Variants in EGFL6 observed in about 807,000 individuals in gnomAD.
EGFL6 encodes EGF like domain multiple 6.
EGFL6 carries 42 observed loss-of-function variants against 43.1 expected under a neutral mutation model. The observed-to-expected ratio is 0.98, with a 90% confidence interval of 0.76 to 1.26. The LOEUF is 1.26. Among genes scored for constraint, EGFL6 ranks in the 50% most tolerant of loss-of-function variants. The probability of loss-of-function intolerance (pLI) is 0.00; values close to 1 mark genes in which losing one functional copy is unlikely to be tolerated. For synonymous variants in EGFL6, 164 were observed against 163.2 expected (o/e 1.01, Z -0.04); for missense variants, 429 against 427.8 (o/e 1.00, Z -0.02).
At chrX:13,593,150 G>C (rs756327418) in intron 2 of EGFL6, among the ~76,000 whole-genome samples, 1 of 110,222 alleles carries the variant, frequency 9.1e-6, no homozygotes, top group Non-Finnish European at 1.9e-5. Context: ...CCTGACCTCA[G>C]GTGATCCACC....
Position 13,633,177 on chromosome X carries a change from G to T in EGFL6, c.*82G>T. 1.2e-6 allele frequency: 1 copy of T among 807,633 alleles called. No homozygotes were observed. Among genetic ancestry groups the T allele is most frequent in the Non-Finnish European group, 1.8e-6 (1 of 571,211 alleles). The allele number at this position is 807,633 out of a possible 1,213,427, so 66.6% of individuals were successfully genotyped here. A position where few individuals can be genotyped will look rare whatever the true frequency, so the allele number is the denominator to read the frequency against. The stretch of plus-strand genomic sequence containing the variant: ...GCATCATAGGACCTCTGGCATTTTA[G>T]AATTACTAGCTGAAAAATTGTAATG... On this transcript the variant is annotated 3_prime_UTR_variant, in exon 12 of 12. Transcript: ENST00000361306.
In EGFL6 at chrX:13,570,052, G is replaced by C; in HGVS notation, c.74+117G>C. ...TGGGTGTGAGTGTGCACGTGTGCCT[G>C]TGCGCGCTGCGACGGGATTTAACCT... is the stretch of plus-strand genomic sequence containing the variant. On this transcript the variant is annotated intron_variant, in intron 1 of 11. Transcript: ENST00000361306. 4 of 701,908 alleles carry C rather than the reference G, an allele frequency of 5.7e-6. No individual in the cohort carries two copies. The South Asian group carries it at 7.5e-5, about 13-fold the overall frequency. The allele number at this position is 701,908 out of a possible 1,213,427, so 57.8% of individuals were successfully genotyped here.
chrX:13,631,530 C>T (rs2045810892), intron 11 of EGFL6, among the ~76,000 whole-genome samples: 1 of 111,446 alleles, frequency 9.0e-6, no homozygotes, highest in Non-Finnish European at 1.9e-5. Flanking sequence ...GCCTGTAATT[C>T]CAGCACTTTG....
intron 2 of EGFL6, among the ~76,000 whole-genome samples, chrX:13,594,002 A>G (rs941255533): frequency 9.0e-6 from 1 of 111,526 alleles, no homozygotes; most frequent in Admixed American, 9.5e-5. Flanking sequence ...TACTATATCC[A>G]GAAACTGCTG....
intron 1 of EGFL6, 106 bp downstream of exon 1, chrX:13,570,041 C>A: frequency 1.3e-6 from 1 of 757,629 alleles, no homozygotes; most frequent in Non-Finnish European, 2.0e-6. Flanking sequence ...TGTGAGTGTG[C>A]ACGTGTGCCT....
chrX:13,601,156 G>A (rs1266115735), intron 4 of EGFL6, among the ~76,000 whole-genome samples: 3 of 111,783 alleles, frequency 2.7e-5, no homozygotes, highest in Non-Finnish European at 5.6e-5. Flanking sequence ...AACAAAATAA[G>A]CAGATTGTTT....
intron 5 of EGFL6, among the ~76,000 whole-genome samples, chrX:13,605,436 G>T (rs1048718150): frequency 1.4e-4 from 15 of 109,372 alleles, no homozygotes; most frequent in African/African-American, 4.7e-4. Context: ...AAAATAGCCA[G>T]GCATGGTGGC....
chrX:13,592,913 CTTTCT>C lies in EGFL6; in HGVS notation c.188-1919_188-1915del, dbSNP rs1447346253. ...GGGGGAGGCCAGATCAGGCTAGGTT[CTTTCT>C]TTTTTTTTTTTTTTTTGACAGAGTC... On this transcript the variant is annotated intron_variant, in intron 2 of 11. Coordinates refer to ENST00000361306, the MANE Select transcript of EGFL6 (RefSeq NM_015507.4). Among the ~76,000 whole-genome samples the C allele has an allele frequency of 3.7e-5, 3 of 81,766 alleles. No homozygotes were observed. In the Admixed American group the frequency reaches 3.9e-4, roughly 11 times the overall value. The allele number at this position is 81,766 out of a possible 115,157, so 71.0% of individuals were successfully genotyped here. A position where few individuals can be genotyped will look rare whatever the true frequency, so the allele number is the denominator to read the frequency against.
intron 11 of EGFL6, among the ~76,000 whole-genome samples, chrX:13,630,698 TAGA>T (rs1330474567): frequency 1.2e-4 from 14 of 112,410 alleles, no homozygotes; most frequent in African/African-American, 4.5e-4. Flanking sequence ...TGAGCAGTCA[TAGA>T]CCCTTGTCAT....
chrX:13,577,298 T>TTATATATATATA (rs1199851773), intron 1 of EGFL6, among the ~76,000 whole-genome samples: 9 of 24,421 alleles, frequency 3.7e-4, no homozygotes, highest in African/African-American at 4.6e-4. Flanking sequence ...TATATGAATT[T>TTATATATATATA]TATATATATA....
At chrX:13,582,123 C>T (rs5935624) in intron 1 of EGFL6, among the ~76,000 whole-genome samples, 42,283 of 106,782 alleles carry the variant, frequency 0.4, 6,425 homozygotes, top group South Asian at 0.47. Context: ...AGTGCAGTGG[C>T]GCAATCTCGG....
chrX:13,625,090 A>T (rs1463357643), intron 10 of EGFL6: 1 of 111,813 alleles, frequency 8.9e-6, no homozygotes, highest in Non-Finnish European at 1.9e-5. Flanking sequence ...CAGGACCTCC[A>T]CAGCTGATAT....
chrX:13,632,426 G>A (rs1261618951), intron 11 of EGFL6, among the ~76,000 whole-genome samples: 1 of 104,259 alleles, frequency 9.6e-6, no homozygotes, highest in African/African-American at 3.5e-5. Flanking sequence ...CTCAGCCTCC[G>A]AAGTAGCTGG....
chrX:13,572,098 T>A (rs1028782255), intron 1 of EGFL6, among the ~76,000 whole-genome samples: 1 of 112,380 alleles, frequency 8.9e-6, no homozygotes, highest in Non-Finnish European at 1.9e-5. Context: ...ATTAGCTCCA[T>A]GCATGTACCT....
chrX:13,611,238 A>G (rs1032038937), intron 7 of EGFL6, among the ~76,000 whole-genome samples: 5 of 111,815 alleles, frequency 4.5e-5, no homozygotes, highest in African/African-American at 1.6e-4. Flanking sequence ...TGAGGTTTAA[A>G]TGAGGTAATA....
intron 11 of EGFL6, 120 bp downstream of exon 11, chrX:13,627,396 C>A: frequency 1.4e-5 from 13 of 937,703 alleles, no homozygotes; most frequent in Non-Finnish European, 1.7e-5. Flanking sequence ...AGACTTTTTC[C>A]CTACACTTAA....
At chrX:13,628,817 C>A (rs1267746153) in intron 11 of EGFL6, among the ~76,000 whole-genome samples, 1 of 77,651 alleles carries the variant, frequency 1.3e-5, no homozygotes, top group African/African-American at 1.1e-4. Context: ...CAAAAAAAAC[C>A]CCGAAAAAAC....
intron 1 of EGFL6, among the ~76,000 whole-genome samples, chrX:13,585,724 T>C (rs1161911877): frequency 9.6e-6 from 1 of 104,229 alleles, no homozygotes; most frequent in Non-Finnish European, 2.0e-5. Flanking sequence ...TATAAAAATA[T>C]GAAATTAAAA....
chrX:13,570,774 A>AG (rs2045437548), intron 1 of EGFL6, among the ~76,000 whole-genome samples: 1 of 111,600 alleles, frequency 9.0e-6, no homozygotes, highest in Non-Finnish European at 1.9e-5. Context: ...AGGCACAGAG[A>AG]GGTAAAGTAA....
Sources: gnomAD v4.1 joint callset for allele counts (sites outside exome capture counted in the v4.1 genomes callset) on GRCh38, gnomAD v4.1.1 for gene constraint, MANE v1.5 for transcripts, NCBI Gene and HGNC (gene_info 2026-07-23, HGNC 2026-07-21) for gene names.